Variants in ASB3 observed in about 807,000 individuals in gnomAD.
The protein encoded by ASB3 is ankyrin repeat and SOCS box containing 3.
In ASB3, 41 loss-of-function variants were observed where a neutral mutation model predicts 54.5. The observed-to-expected ratio is 0.75, with a 90% CI of 0.59 to 0.98. ASB3 has a LOEUF of 0.98. Among genes scored for constraint, ASB3 ranks in the 50% least tolerant of loss-of-function variants. ASB3 has a pLI of 0.00. For missense variants in ASB3, 733 were observed against 620.0 expected (o/e 1.18, Z -1.94); for synonymous variants, 266 against 221.2 (o/e 1.20, Z -1.80).
intron 9 of ASB3, 33 bp downstream of exon 9, chr2:53,693,851 A>G: frequency 6.2e-7 from 1 of 1,605,906 alleles, no homozygotes. Context: ...AAGGAAAAGT[A>G]GTGAAGTGTG....
intron 9 of ASB3, among the ~76,000 whole-genome samples, chr2:53,688,954 T>C (rs1226150176): frequency 6.6e-6 from 1 of 152,162 alleles, no homozygotes; most frequent in African/African-American, 2.4e-5. Context: ...GAAAAAGGAT[T>C]TGTGGTACAC....
At chr2:53,673,424 T>C (rs1667921594) in intron 9 of ASB3, among the ~76,000 whole-genome samples, 1 of 152,228 alleles carries the variant, frequency 6.6e-6, no homozygotes, top group Admixed American at 6.5e-5. Flanking sequence ...TTCCTCCAGA[T>C]ACCCTAAAAC....
intron 6 of ASB3, among the ~76,000 whole-genome samples, chr2:53,714,955 G>C (rs1558534264): frequency 6.6e-6 from 1 of 152,044 alleles, no homozygotes; most frequent in Non-Finnish European, 1.5e-5. Context: ...ATTCTACTAA[G>C]TATAAACTGG....
At chr2:53,733,228 G>C (rs1436261143) in intron 3 of ASB3, among the ~76,000 whole-genome samples, 1 of 152,164 alleles carries the variant, frequency 6.6e-6, no homozygotes, top group African/African-American at 2.4e-5. Context: ...TCTAGATGTA[G>C]AGAGAATGAT....
intron 2 of ASB3, among the ~76,000 whole-genome samples, chr2:53,755,016 G>C (rs1672735792): frequency 6.6e-6 from 1 of 152,158 alleles, no homozygotes. Flanking sequence ...AAAAAGAAAT[G>C]GCTCATCCTA....
intron 5 of ASB3, among the ~76,000 whole-genome samples, chr2:53,721,832 AT>A (rs1450524232): frequency 1.3e-5 from 2 of 152,192 alleles, no homozygotes; most frequent in African/African-American, 2.4e-5. Context: ...AAGAAAAAAA[AT>A]AATTAAAATC....
chr2:53,759,878 C>G (rs1345062323), intron 2 of ASB3, among the ~76,000 whole-genome samples: 1 of 152,052 alleles, frequency 6.6e-6, no homozygotes, highest in Non-Finnish European at 1.5e-5. Flanking sequence ...AAGCACCAGC[C>G]CACGCCATCA....
intron 1 of ASB3, among the ~76,000 whole-genome samples, chr2:53,782,987 T>A (rs1674738025): frequency 6.6e-6 from 1 of 152,058 alleles, no homozygotes. Context: ...GGTTTCACCA[T>A]GTTGGCCAGG....
chr2:53,775,454 A>T, intron 1 of ASB3, among the ~76,000 whole-genome samples: 1 of 152,218 alleles, frequency 6.6e-6, no homozygotes, highest in East Asian at 1.9e-4. Flanking sequence ...GAAGCCAAGA[A>T]CAGGCACCTC....
At chr2:53,734,403 C>A (rs1334779529) in intron 3 of ASB3, among the ~76,000 whole-genome samples, 1 of 152,118 alleles carries the variant, frequency 6.6e-6, no homozygotes, top group East Asian at 1.9e-4. Flanking sequence ...TCTTTTTTTA[C>A]CACTGAACTA....
chr2:53,760,050 C>T (rs1399119619), intron 2 of ASB3, among the ~76,000 whole-genome samples: 3 of 152,180 alleles, frequency 2.0e-5, no homozygotes, highest in East Asian at 1.9e-4. Context: ...TCACTATATA[C>T]TTCTCCCAGC....
intron 3 of ASB3, among the ~76,000 whole-genome samples, chr2:53,732,880 T>C (rs1234478852): frequency 2.6e-5 from 4 of 152,216 alleles, no homozygotes; most frequent in Non-Finnish European, 5.9e-5. Context: ...AAGAGGAGCA[T>C]TCACTTTATC....
intron 2 of ASB3, among the ~76,000 whole-genome samples, chr2:53,759,774 C>A (rs1673039742): frequency 1.3e-5 from 2 of 152,192 alleles, no homozygotes; most frequent in African/African-American, 2.4e-5. Flanking sequence ...TCAAGGGAAT[C>A]ATTGGAAGGC....
intron 2 of ASB3, among the ~76,000 whole-genome samples, chr2:53,757,897 C>T (rs1672924995): frequency 6.6e-6 from 1 of 152,198 alleles, no homozygotes. Flanking sequence ...GCCTTGGCTC[C>T]TTGGCCAGGG....
chr2:53,775,570 G>A (rs1423567027), intron 1 of ASB3, among the ~76,000 whole-genome samples: 1 of 152,174 alleles, frequency 6.6e-6, no homozygotes, highest in African/African-American at 2.4e-5. Context: ...TCACCTCCCA[G>A]GTTCAAGGAA....
At chr2:53,698,425 A>T (rs1669304370) in intron 8 of ASB3, among the ~76,000 whole-genome samples, 1 of 152,172 alleles carries the variant, frequency 6.6e-6, no homozygotes, top group African/African-American at 2.4e-5. Flanking sequence ...GAATTTTCCA[A>T]AATTTTCTAC....
At chr2:53,762,193 G>GTGTA (rs1558566464) in intron 2 of ASB3, among the ~76,000 whole-genome samples, 2 of 150,898 alleles carry the variant, frequency 1.3e-5, no homozygotes, top group East Asian at 2.0e-4. Flanking sequence ...GTGTGTGTGT[G>GTGTA]TATACATACA....
At chr2:53,778,683 C>T (rs1343822861) in intron 1 of ASB3, among the ~76,000 whole-genome samples, 1 of 152,130 alleles carries the variant, frequency 6.6e-6, no homozygotes, top group African/African-American at 2.4e-5. Flanking sequence ...TAATGTTCTC[C>T]AATCCATCCA....
At chr2:53,730,690 C>T (rs1671258213) in intron 3 of ASB3, among the ~76,000 whole-genome samples, 1 of 152,208 alleles carries the variant, frequency 6.6e-6, no homozygotes, top group Non-Finnish European at 1.5e-5. Context: ...TTTTTCTCCT[C>T]AACCTCGCCA....
Sources: gnomAD v4.1 joint callset for allele counts (sites outside exome capture counted in the v4.1 genomes callset) on GRCh38, gnomAD v4.1.1 for gene constraint, MANE v1.5 for transcripts, NCBI Gene and HGNC (gene_info 2026-07-23, HGNC 2026-07-21) for gene names.